RAB3C: variants seen among roughly 807,000 people sequenced by gnomAD.
RAB3C encodes ras-related protein Rab-3C.
In RAB3C, 17 loss-of-function variants were observed where a neutral mutation model predicts 26.4. The observed-to-expected ratio is 0.64, with a 90% CI of 0.44 to 0.97. The LOEUF (loss-of-function observed/expected upper bound fraction) is 0.97, where lower values mean the gene tolerates loss of function less well. Ranked by LOEUF, RAB3C falls within the 50% of genes least tolerant of loss-of-function variation. The pLI, the probability that RAB3C is intolerant of heterozygous loss-of-function variation, is 0.00. For missense variants in RAB3C, 242 were observed against 281.9 expected (o/e 0.86, Z 1.01); for synonymous variants, 91 against 95.9 (o/e 0.95, Z 0.30).
intron 3 of RAB3C, among the ~76,000 whole-genome samples, chr5:58,769,370 G>A (rs1413501382): frequency 4.6e-5 from 7 of 152,078 alleles, no homozygotes; most frequent in Non-Finnish European, 1.0e-4. Flanking sequence ...AAGTATTAAA[G>A]TATGTGTACA....
intron 2 of RAB3C, among the ~76,000 whole-genome samples, chr5:58,657,284 G>A (rs1747800594): frequency 1.3e-5 from 2 of 152,028 alleles, no homozygotes; most frequent in Admixed American, 6.6e-5. Context: ...CAAATAGGGT[G>A]CAGTGTATAC....
chr5:58,672,093 T>G (rs1262877037), intron 2 of RAB3C, among the ~76,000 whole-genome samples: 2 of 152,206 alleles, frequency 1.3e-5, no homozygotes, highest in Non-Finnish European at 2.9e-5. Flanking sequence ...CTATAGAGCT[T>G]TCAAGAGGGG....
intron 1 of RAB3C, among the ~76,000 whole-genome samples, chr5:58,597,738 C>CATA (rs1554043485): frequency 3.9e-4 from 17 of 44,064 alleles, no homozygotes; most frequent in East Asian, 1.8e-3. Context: ...AAGTATATAA[C>CATA]ATATAATACA....
In RAB3C at chr5:58,854,178, T is replaced by C. The variant is rs1243241549; in HGVS notation, c.*2827T>C. The C allele has an allele frequency of 6.6e-6, 1 of 152,156 alleles. No homozygotes were observed. The highest frequency in any genetic ancestry group is 2.4e-5 in the African/African-American group (1 of 41,438). The allele number at this position is 152,156 out of a possible 1,614,324, so 9.4% of individuals were successfully genotyped here. ...TTAAAAGAACAAGACTTTTAAAAAG[T>C]ACATACTCCTGTTGGTTTGTAAGTT... On this transcript the variant is annotated 3_prime_UTR_variant, in exon 5 of 5. Coordinates refer to ENST00000282878, the MANE Select transcript of RAB3C (RefSeq NM_138453.4).
intron 3 of RAB3C, among the ~76,000 whole-genome samples, chr5:58,766,230 C>T (rs1317950384): frequency 6.6e-6 from 1 of 151,854 alleles, no homozygotes; most frequent in Non-Finnish European, 1.5e-5. Context: ...CAATTCTCTG[C>T]CTCAGCCTCC....
intron 2 of RAB3C, among the ~76,000 whole-genome samples, chr5:58,637,476 C>T (rs184356650): frequency 6.6e-6 from 1 of 152,054 alleles, no homozygotes; most frequent in African/African-American, 2.4e-5. Flanking sequence ...CTGGGATTTT[C>T]CTATAAAAAG....
chr5:58,591,059 A>G (rs1746117883), intron 1 of RAB3C, among the ~76,000 whole-genome samples: 1 of 152,190 alleles, frequency 6.6e-6, no homozygotes, highest in African/African-American at 2.4e-5. Context: ...GTATTTTTAC[A>G]GATATTTTAT....
At chr5:58,833,354 A>T (rs1281111386) in intron 4 of RAB3C, among the ~76,000 whole-genome samples, 1 of 151,944 alleles carries the variant, frequency 6.6e-6, no homozygotes, top group Non-Finnish European at 1.5e-5. Context: ...ACACACACAC[A>T]CACACACATA....
intron 2 of RAB3C, among the ~76,000 whole-genome samples, chr5:58,681,135 C>A (rs1748334369): frequency 6.6e-6 from 1 of 151,908 alleles, no homozygotes; most frequent in South Asian, 2.1e-4. Flanking sequence ...GTTTCTAATC[C>A]TTAAAACAGA....
At chr5:58,837,029 T>G (rs980539281) in intron 4 of RAB3C, among the ~76,000 whole-genome samples, 1 of 152,202 alleles carries the variant, frequency 6.6e-6, no homozygotes, top group Non-Finnish European at 1.5e-5. Flanking sequence ...TTTCTCTGCA[T>G]CCTCACCAAC....
chr5:58,748,764 C>T (rs949942049), intron 3 of RAB3C, among the ~76,000 whole-genome samples: 2 of 152,158 alleles, frequency 1.3e-5, no homozygotes, highest in Admixed American at 1.3e-4. Flanking sequence ...AGTTTATGCT[C>T]CTTCTTCTAT....
At chr5:58,626,200 TAA>T (rs1747047020) in intron 2 of RAB3C, among the ~76,000 whole-genome samples, 1 of 151,998 alleles carries the variant, frequency 6.6e-6, no homozygotes, top group Non-Finnish European at 1.5e-5. Context: ...TAGCTTTCAT[TAA>T]GTTTCTTTTT....
At chr5:58,748,706 C>G (rs73104309) in intron 3 of RAB3C, among the ~76,000 whole-genome samples, 3,715 of 152,072 alleles carry the variant, frequency 0.024, 165 homozygotes, top group African/African-American at 0.085. Context: ...GAATTTAGAA[C>G]AAAGTATAGG....
At chr5:58,795,222 G>T (rs1742616461) in intron 3 of RAB3C, among the ~76,000 whole-genome samples, 1 of 152,062 alleles carries the variant, frequency 6.6e-6, no homozygotes, top group South Asian at 2.1e-4. Flanking sequence ...CATGATTGTG[G>T]GGCCTCCCCA....
chr5:58,800,508 T>C (rs1579925433), intron 3 of RAB3C, among the ~76,000 whole-genome samples: 1 of 152,186 alleles, frequency 6.6e-6, no homozygotes, highest in Non-Finnish European at 1.5e-5. Flanking sequence ...TGAAGATGGG[T>C]GTTTTTTAAT....
At position 58,662,947 on chromosome 5, in the gene RAB3C, A is replaced by G. The variant is rs568382346; in HGVS notation, c.252+45077A>G. 2.1e-4 allele frequency among the ~76,000 whole-genome samples: 31 copies of G among 150,540 alleles called. No individual in the cohort carries two copies. The South Asian group carries it at 5.2e-3, about 25-fold the overall frequency. On this transcript the variant is annotated intron_variant, in intron 2 of 4. Transcript: ENST00000282878. ...ATTGCATGTAAGTTTTAACACAATG[A>G]AGGCTATGATCCTGTCAATGTTGTA... is the stretch of plus-strand genomic sequence containing the variant.
intron 4 of RAB3C, among the ~76,000 whole-genome samples, chr5:58,833,412 T>C (rs1420090944): frequency 6.6e-6 from 1 of 151,574 alleles, no homozygotes; most frequent in Non-Finnish European, 1.5e-5. Context: ...ATGAGTGTTT[T>C]TAGCTCCTTA....
intron 4 of RAB3C, among the ~76,000 whole-genome samples, chr5:58,837,557 C>CCT: frequency 8.4e-6 from 1 of 118,898 alleles, no homozygotes; most frequent in South Asian, 2.8e-4. Context: ...TTCAGTCTCT[C>CCT]TTTTTTTTTT....
chr5:58,593,492 A>C (rs1746181828), intron 1 of RAB3C, among the ~76,000 whole-genome samples: 1 of 152,316 alleles, frequency 6.6e-6, no homozygotes, highest in South Asian at 2.1e-4. Flanking sequence ...TTACATTTCC[A>C]TGTCATTTAA....
Sources: allele counts gnomAD v4.1 joint callset (sites outside exome capture counted in the v4.1 genomes callset), GRCh38; gene constraint gnomAD v4.1.1; transcripts MANE v1.5; gene names NCBI Gene and HGNC (gene_info 2026-07-23, HGNC 2026-07-21).